DNAJC24: variants seen among roughly 807,000 people sequenced by gnomAD.
DNAJC24 encodes DnaJ heat shock protein family (Hsp40) member C24, also known as dnaJ homolog subfamily C member 24.
Under a neutral mutation model 18.0 loss-of-function variants are expected in DNAJC24, and 17 were observed. The ratio of observed to expected loss-of-function variants is 0.94; its 90% CI spans 0.65 to 1.42. DNAJC24 has a LOEUF of 1.42. Among genes scored for constraint, DNAJC24 ranks in the 40% most tolerant of loss-of-function variants. The pLI is 0.00. For missense variants in DNAJC24, 158 were observed against 175.6 expected, an observed-to-expected ratio of 0.90 and a Z score of 0.57; for synonymous variants, 55 against 57.7, an observed-to-expected ratio of 0.95 and a Z score of 0.21.
At chr11:31,392,912 G>A in intron 2 of DNAJC24, among the ~76,000 whole-genome samples, 1 of 152,196 alleles carries the variant, frequency 6.6e-6, no homozygotes, top group South Asian at 2.1e-4. Flanking sequence ...GCCTCTGAAA[G>A]TGTTGGGATT....
intron 2 of DNAJC24, among the ~76,000 whole-genome samples, chr11:31,376,969 T>A (rs1302075166): frequency 2.0e-5 from 3 of 152,184 alleles, no homozygotes; most frequent in African/African-American, 7.2e-5. Context: ...TTATTTATAA[T>A]GTTTATCAGA....
At chr11:31,403,116 C>CAT (rs1219093439) in intron 2 of DNAJC24, among the ~76,000 whole-genome samples, 1 of 139,086 alleles carries the variant, frequency 7.2e-6, no homozygotes, top group Non-Finnish European at 1.5e-5. Flanking sequence ...AGTTAATATG[C>CAT]ATATATGCAT....
intron 3 of DNAJC24, among the ~76,000 whole-genome samples, chr11:31,425,265 C>A (rs1284830096): frequency 6.6e-6 from 1 of 152,038 alleles, no homozygotes; most frequent in Admixed American, 6.6e-5. Context: ...AATAAGTATT[C>A]TTTTAAGTTA....
At chr11:31,404,077 G>A (rs1452599858) in intron 2 of DNAJC24, among the ~76,000 whole-genome samples, 1 of 152,168 alleles carries the variant, frequency 6.6e-6, no homozygotes, top group African/African-American at 2.4e-5. Context: ...GCTCTGGTGG[G>A]AGTATAGCAG....
chr11:31,381,120 A>G (rs1297801282), intron 2 of DNAJC24, among the ~76,000 whole-genome samples: 3 of 152,272 alleles, frequency 2.0e-5, no homozygotes, highest in African/African-American at 4.8e-5. Context: ...AGTAGTAACT[A>G]TTACTTGTAA....
chr11:31,380,047 G>T (rs1439494743), intron 2 of DNAJC24, among the ~76,000 whole-genome samples: 4 of 152,094 alleles, frequency 2.6e-5, no homozygotes, highest in Non-Finnish European at 5.9e-5. Flanking sequence ...TGGGATTATG[G>T]GCATGAGCCA....
At chr11:31,418,044 A>G (rs1952767268) in intron 3 of DNAJC24, among the ~76,000 whole-genome samples, 1 of 152,076 alleles carries the variant, frequency 6.6e-6, no homozygotes, top group Admixed American at 6.6e-5. Context: ...AGGCTGAAGA[A>G]AAGTAAATTT....
chr11:31,423,478 C>T (rs1265132093), intron 3 of DNAJC24, among the ~76,000 whole-genome samples: 1 of 152,142 alleles, frequency 6.6e-6, no homozygotes, highest in Non-Finnish European at 1.5e-5. Context: ...TCAGGCTGGT[C>T]TCGAACTCCT....
chr11:31,392,434 AGTTTT>A (rs1952506286), intron 2 of DNAJC24, among the ~76,000 whole-genome samples: 2 of 152,186 alleles, frequency 1.3e-5, no homozygotes, highest in Non-Finnish European at 2.9e-5. Flanking sequence ...CACTCCTAGT[AGTTTT>A]AGACCCAGAG....
intron 2 of DNAJC24, among the ~76,000 whole-genome samples, chr11:31,371,799 C>CT (rs1952264019): frequency 7.0e-6 from 1 of 143,092 alleles, no homozygotes; most frequent in Non-Finnish European, 1.5e-5. Flanking sequence ...CATTTATACA[C>CT]TAATTATCAG....
chr11:31,406,301 T>C (rs1048005899), intron 2 of DNAJC24, among the ~76,000 whole-genome samples: 3 of 152,222 alleles, frequency 2.0e-5, no homozygotes, highest in African/African-American at 7.2e-5. Flanking sequence ...AAAAGGCACT[T>C]AAGTGCAGTA....
rs147792820 is a variant in DNAJC24, at chr11:31,428,447, G to A, written c.320-1824G>A. Among the ~76,000 whole-genome samples the A allele has an allele frequency of 1.1e-3, 172 of 152,158 alleles. 2 individuals are homozygous for A. The highest frequency in any genetic ancestry group is 3.9e-3 in the African/African-American group (161 of 41,526). On this transcript the variant is annotated intron_variant, in intron 4 of 4. Transcript: ENST00000465995. Reference sequence around the variant, plus strand: ...GCTAAATTTTTTTTCCAATTAAAAAGAGCAATTTTGGCAGATGAAATTAAA... The same window carrying A: ...GCTAAATTTTTTTTCCAATTAAAAAAAGCAATTTTGGCAGATGAAATTAAA...
intron 2 of DNAJC24, among the ~76,000 whole-genome samples, chr11:31,379,868 C>G (rs554620002): frequency 2.0e-3 from 306 of 152,242 alleles, no homozygotes; most frequent in Middle Eastern, 0.017. Flanking sequence ...AGCGATTCTC[C>G]TCCCTCAGCC....
intron 2 of DNAJC24, chr11:31,374,035 C>A: frequency 3.0e-6 from 1 of 330,558 alleles, no homozygotes; most frequent in Non-Finnish European, 6.4e-6. Context: ...ATGTCATTTG[C>A]AGATAACGAG....
chr11:31,430,963 C>T lies in DNAJC24; in HGVS notation c.*562C>T, dbSNP rs965841851. On this transcript the variant is annotated 3_prime_UTR_variant, in exon 5 of 5. Coordinates refer to ENST00000465995, the MANE Select transcript of DNAJC24 (RefSeq NM_181706.5). The stretch of plus-strand genomic sequence containing the variant: ...CCAATCTTGGTCCGTATTTCCAAAG[C>T]TTGTAAACACTGCCATCTTCAAATT... 6.6e-6 allele frequency: 1 copy of T among 152,336 alleles called. No individual in the cohort carries two copies. Among genetic ancestry groups the T allele is most frequent in the African/African-American group, 2.4e-5 (1 of 41,438 alleles). 9.4% of individuals were successfully genotyped at this position (152,336 alleles called of 1,614,324 possible).
chr11:31,421,499 G>A (rs776159428), intron 3 of DNAJC24, among the ~76,000 whole-genome samples: 11 of 152,314 alleles, frequency 7.2e-5, no homozygotes, highest in Non-Finnish European at 1.5e-4. Context: ...GAATATTATG[G>A]ACAGAGCTGC....
intron 2 of DNAJC24, among the ~76,000 whole-genome samples, chr11:31,384,184 C>T (rs1312478633): frequency 6.6e-6 from 1 of 152,208 alleles, no homozygotes; most frequent in Non-Finnish European, 1.5e-5. Context: ...TCTTCCTATT[C>T]AGTGGAGGAA....
At position 31,430,370 on chromosome 11, in the gene DNAJC24, C is replaced by T. The variant is rs372074070; in HGVS notation, c.419C>T (p.Ser140Leu). ...EVSLISCDTC[S>L]LIIELLHYN ...AGCCTGATTTCTTGTGATACATGTT[C>T]ACTAATTATAGAACTCCTTCATTAT... Residue 140 changes from serine (S) to leucine (L), a missense_variant, in exon 5 of 5, where the codon TCA becomes TTA. By Grantham distance (145) the Ser-to-Leu change is moderately radical. Coordinates refer to ENST00000465995, the MANE Select transcript of DNAJC24 (RefSeq NM_181706.5). 3 of 1,607,066 alleles carry T rather than the reference C, an allele frequency of 1.9e-6. No homozygotes were observed. In the African/African-American group the frequency reaches 4.0e-5, roughly 22 times the overall value.
intron 2 of DNAJC24, among the ~76,000 whole-genome samples, chr11:31,393,529 A>T (rs971358558): frequency 6.6e-6 from 1 of 152,170 alleles, no homozygotes; most frequent in Admixed American, 6.5e-5. Flanking sequence ...TGGGGCCATT[A>T]GAAAAGGGCA....
Sources: allele counts gnomAD v4.1 joint callset (sites outside exome capture counted in the v4.1 genomes callset), GRCh38; gene constraint gnomAD v4.1.1; transcripts MANE v1.5; gene names NCBI Gene and HGNC (gene_info 2026-07-23, HGNC 2026-07-21).